MSRB3: variants seen among roughly 807,000 people sequenced by gnomAD.
MSRB3 encodes the protein methionine sulfoxide reductase B3.
A neutral mutation model predicts 21.0 loss-of-function variants in MSRB3; 13 were observed. The ratio of observed to expected loss-of-function variants is 0.62; its 90% CI spans 0.40 to 0.98. The LOEUF (loss-of-function observed/expected upper bound fraction) is 0.98, where lower values mean the gene tolerates loss of function less well. MSRB3 is among the 50% of genes least tolerant of loss of function. The probability of loss-of-function intolerance (pLI) is 0.00; values close to 1 mark genes in which losing one functional copy is unlikely to be tolerated. For missense variants in MSRB3, 199 were observed against 230.3 expected, an observed-to-expected ratio of 0.86 and a Z score of 0.88; for synonymous variants, 87 against 88.6, an observed-to-expected ratio of 0.98 and a Z score of 0.10.
chr12:65,456,501 A>T (rs892328509), intron 6 of MSRB3, among the ~76,000 whole-genome samples: 1 of 152,222 alleles, frequency 6.6e-6, no homozygotes, highest in African/African-American at 2.4e-5. Flanking sequence ...AACAATGCCA[A>T]AATTAGGCAA....
At chr12:65,413,789 A>C (rs1880834406) in intron 5 of MSRB3, among the ~76,000 whole-genome samples, 1 of 152,156 alleles carries the variant, frequency 6.6e-6, no homozygotes, top group Non-Finnish European at 1.5e-5. Flanking sequence ...TATTAAAAAA[A>C]CCCAGCAGAG....
intron 5 of MSRB3, among the ~76,000 whole-genome samples, chr12:65,385,820 C>T (rs1448138030): frequency 1.3e-5 from 2 of 151,564 alleles, no homozygotes; most frequent in African/African-American, 4.8e-5. Flanking sequence ...TTTTTCTTTC[C>T]TTTAGTTGGA....
intron 5 of MSRB3, among the ~76,000 whole-genome samples, chr12:65,371,657 C>CT (rs1388563143): frequency 6.6e-6 from 1 of 152,056 alleles, no homozygotes; most frequent in Non-Finnish European, 1.5e-5. Flanking sequence ...AAGTACCCAA[C>CT]TTTATGCAGA....
At chr12:65,383,819 C>A (rs1232380840) in intron 5 of MSRB3, among the ~76,000 whole-genome samples, 1 of 152,052 alleles carries the variant, frequency 6.6e-6, no homozygotes, top group Non-Finnish European at 1.5e-5. Flanking sequence ...GCCCCCACAC[C>A]CGACTAATTT....
intron 5 of MSRB3, chr12:65,419,305 G>C: frequency 1.3e-6 from 1 of 753,028 alleles, no homozygotes; most frequent in Non-Finnish European, 2.4e-6. Context: ...AGATTTGGGG[G>C]CATCTACCTC....
chr12:65,391,966 G>C (rs1879505898), intron 5 of MSRB3, among the ~76,000 whole-genome samples: 2 of 152,136 alleles, frequency 1.3e-5, no homozygotes, highest in Admixed American at 6.5e-5. Context: ...AAACTCTCAA[G>C]GGCCTGCCTG....
chr12:65,345,326 A>G (rs1200979308), intron 4 of MSRB3, among the ~76,000 whole-genome samples: 1 of 152,068 alleles, frequency 6.6e-6, no homozygotes, highest in Non-Finnish European at 1.5e-5. Context: ...GAAAAAAATG[A>G]GTGTCATTGG....
chr12:65,362,881 G>T (rs536318367), intron 4 of MSRB3, among the ~76,000 whole-genome samples: 1 of 152,256 alleles, frequency 6.6e-6, no homozygotes, highest in South Asian at 2.1e-4. Context: ...GTCGGTGAAG[G>T]CCTTTGAGTT....
chr12:65,398,002 C>G (rs1303046726), intron 5 of MSRB3, among the ~76,000 whole-genome samples: 1 of 152,204 alleles, frequency 6.6e-6, no homozygotes, highest in African/African-American at 2.4e-5. Context: ...TTCGTTCAGT[C>G]TATCATTGAT....
At chr12:65,394,786 A>G (rs577742884) in intron 5 of MSRB3, among the ~76,000 whole-genome samples, 27 of 152,378 alleles carry the variant, frequency 1.8e-4, no homozygotes, top group Non-Finnish European at 3.4e-4. Flanking sequence ...TGAACAGTCT[A>G]TTAATATAAT....
In MSRB3 at chr12:65,369,001, A is replaced by G; in HGVS notation, c.267A>G (p.Ser89=). ...AAAACTTTCTTTCTCTTTGCAGGTC[A>G]GAAACCAAATTTGACTCCGGTTCAG... is the stretch of plus-strand genomic sequence containing the variant. The part of the protein sequence containing the change: ...CVVCGTPLFK[S]ETKFDSGSGW... The change falls in exon 5 of 7, where the codon TCA becomes TCG. Residue 89 remains serine (S), a synonymous_variant. Transcript: ENST00000308259. 1 of 1,426,362 alleles carries G rather than the reference A, an allele frequency of 7.0e-7. No individual in the cohort carries two copies. The highest frequency in any genetic ancestry group is 9.4e-7 in the Non-Finnish European group (1 of 1,061,632). The allele number at this position is 1,426,362 out of a possible 1,614,324, so 88.4% of individuals were successfully genotyped here. A position where few individuals can be genotyped will look rare whatever the true frequency, so the allele number is the denominator to read the frequency against.
At chr12:65,448,151 G>A (rs1159980582) in intron 5 of MSRB3, among the ~76,000 whole-genome samples, 3 of 152,164 alleles carry the variant, frequency 2.0e-5, no homozygotes, top group Non-Finnish European at 4.4e-5. Context: ...AAGGATAGGT[G>A]GAGGGAAGAT....
At chr12:65,380,911 T>G (rs1878905598) in intron 5 of MSRB3, among the ~76,000 whole-genome samples, 1 of 152,136 alleles carries the variant, frequency 6.6e-6, no homozygotes, top group South Asian at 2.1e-4. Context: ...AAAACAATGT[T>G]TTATGCTTTT....
chr12:65,368,228 T>C (rs1878123277), intron 4 of MSRB3, among the ~76,000 whole-genome samples: 1 of 152,242 alleles, frequency 6.6e-6, no homozygotes, highest in Non-Finnish European at 1.5e-5. Flanking sequence ...TTGGTTCTTG[T>C]ATCTTGCTGT....
intron 5 of MSRB3, among the ~76,000 whole-genome samples, chr12:65,447,897 GAA>G (rs1882691835): frequency 6.6e-6 from 1 of 152,166 alleles, no homozygotes; most frequent in Non-Finnish European, 1.5e-5. Flanking sequence ...TTTGAATACA[GAA>G]GTTTGTACAG....
intron 4 of MSRB3, among the ~76,000 whole-genome samples, chr12:65,348,371 A>C (rs1026800806): frequency 1.3e-5 from 2 of 152,150 alleles, no homozygotes; most frequent in African/African-American, 4.8e-5. Context: ...GTTTATTTGC[A>C]TAGAGGTGTT....
chr12:65,313,986 AG>A (rs756285777), intron 2 of MSRB3, among the ~76,000 whole-genome samples: 53 of 152,210 alleles, frequency 3.5e-4, no homozygotes, highest in Non-Finnish European at 6.5e-4. Context: ...CTTAAACAAA[AG>A]TATATAAGGA....
intron 1 of MSRB3, among the ~76,000 whole-genome samples, chr12:65,280,963 C>A (rs1871980312): frequency 6.6e-6 from 1 of 152,176 alleles, no homozygotes; most frequent in Non-Finnish European, 1.5e-5. Flanking sequence ...TGTGGTGGCT[C>A]ATGCCTGTAA....
chr12:65,421,671 G>A (rs1397515415), intron 5 of MSRB3, among the ~76,000 whole-genome samples: 2 of 152,144 alleles, frequency 1.3e-5, no homozygotes, highest in Non-Finnish European at 2.9e-5. Context: ...TTTCAGAGAA[G>A]CAAATGCTGA....
Sources: allele counts gnomAD v4.1 joint callset (sites outside exome capture counted in the v4.1 genomes callset), GRCh38; gene constraint gnomAD v4.1.1; transcripts MANE v1.5; gene names NCBI Gene and HGNC (gene_info 2026-07-23, HGNC 2026-07-21).